The following BRINP2 variants were observed in gnomAD, a reference collection of about 807,000 sequenced individuals.
The protein encoded by BRINP2 is BMP/retinoic acid-inducible neural-specific protein 2.
Under a neutral mutation model 69.2 loss-of-function variants are expected in BRINP2, and 21 were observed. The ratio of observed to expected loss-of-function variants is 0.30; its 90% confidence interval spans 0.22 to 0.44. BRINP2 has a LOEUF of 0.44. BRINP2 is among the 20% of genes least tolerant of loss of function. The pLI is 1.00. For missense variants in BRINP2, 877 were observed against 986.0 expected, an observed-to-expected ratio of 0.89 and a Z score of 1.48; for synonymous variants, 380 against 394.1, an observed-to-expected ratio of 0.96 and a Z score of 0.42.
intron 2 of BRINP2, among the ~76,000 whole-genome samples, chr1:177,230,474 G>A (rs1379518937): frequency 6.6e-6 from 1 of 152,188 alleles, no homozygotes; most frequent in Non-Finnish European, 1.5e-5. Context: ...TGCCGTAGGA[G>A]GTCAGAGTCA....
intron 1 of BRINP2, among the ~76,000 whole-genome samples, chr1:177,210,026 T>C (rs1287445983): frequency 6.6e-6 from 1 of 152,148 alleles, no homozygotes; most frequent in Non-Finnish European, 1.5e-5. Context: ...GTGGTGTAGA[T>C]GTGTGAGGGT....
At chr1:177,222,511 C>T (rs969344516) in intron 1 of BRINP2, among the ~76,000 whole-genome samples, 3 of 151,966 alleles carry the variant, frequency 2.0e-5, no homozygotes. Context: ...AGGGTTTCAC[C>T]AGGTTGGCCA....
chr1:177,216,067 A>G (rs1649366836), intron 1 of BRINP2, among the ~76,000 whole-genome samples: 2 of 151,994 alleles, frequency 1.3e-5, no homozygotes, highest in African/African-American at 4.8e-5. Flanking sequence ...TTATCTATAA[A>G]TTCACTCTAT....
intron 4 of BRINP2, among the ~76,000 whole-genome samples, chr1:177,268,432 A>C (rs1020959538): frequency 6.6e-6 from 1 of 151,808 alleles, no homozygotes; most frequent in Non-Finnish European, 1.5e-5. Context: ...CTGCTTACCT[A>C]CTCTGCCTTG....
chr1:177,245,685 A>G (rs751037473), intron 2 of BRINP2, among the ~76,000 whole-genome samples: 6 of 152,208 alleles, frequency 3.9e-5, no homozygotes, highest in Non-Finnish European at 7.3e-5. Flanking sequence ...GGGAAGACAC[A>G]GGTCTCAGCT....
intron 4 of BRINP2, among the ~76,000 whole-genome samples, chr1:177,259,104 C>T (rs1650859958): frequency 6.6e-6 from 1 of 152,048 alleles, no homozygotes; most frequent in African/African-American, 2.4e-5. Flanking sequence ...GTTGCAAATG[C>T]AAAGAAAAAG....
intron 2 of BRINP2, among the ~76,000 whole-genome samples, chr1:177,233,021 A>G (rs1385430987): frequency 6.6e-6 from 1 of 151,932 alleles, no homozygotes; most frequent in Non-Finnish European, 1.5e-5. Flanking sequence ...TAGGAAAGAG[A>G]CCCTCCTTCT....
intron 1 of BRINP2, among the ~76,000 whole-genome samples, chr1:177,219,951 GTC>G (rs1375190507): frequency 6.6e-6 from 1 of 152,176 alleles, no homozygotes; most frequent in Admixed American, 6.5e-5. Context: ...ACAGAGAAGG[GTC>G]TCTCTCTGGA....
chr1:177,231,211 T>C (rs966749130), intron 2 of BRINP2, among the ~76,000 whole-genome samples: 2 of 152,128 alleles, frequency 1.3e-5, no homozygotes, highest in Non-Finnish European at 2.9e-5. Flanking sequence ...ACAGTTGTTT[T>C]CCCCATTTTA....
chr1:177,250,056 G>A (rs150974059), intron 2 of BRINP2, among the ~76,000 whole-genome samples: 2 of 150,738 alleles, frequency 1.3e-5, no homozygotes, highest in African/African-American at 2.4e-5. Flanking sequence ...GGCTGGACTC[G>A]AACTCCTGTG....
At chr1:177,178,894 T>C (rs1648166659) in intron 1 of BRINP2, among the ~76,000 whole-genome samples, 1 of 152,232 alleles carries the variant, frequency 6.6e-6, no homozygotes, top group Non-Finnish European at 1.5e-5. Context: ...ATCATGGTTA[T>C]TATGGACATT....
At chr1:177,175,311 T>C (rs1220999423) in intron 1 of BRINP2, among the ~76,000 whole-genome samples, 1 of 152,050 alleles carries the variant, frequency 6.6e-6, no homozygotes, top group Non-Finnish European at 1.5e-5. Flanking sequence ...GGATGCGGTG[T>C]TGCCTGAAGC....
intron 2 of BRINP2, among the ~76,000 whole-genome samples, chr1:177,248,604 TTA>T (rs1295216862): frequency 6.6e-6 from 1 of 151,994 alleles, no homozygotes; most frequent in Non-Finnish European, 1.5e-5. Flanking sequence ...TGTTCTCAGT[TTA>T]TGAGTCTGGA....
chr1:177,200,078 G>A (rs951030310), intron 1 of BRINP2, among the ~76,000 whole-genome samples: 5 of 151,862 alleles, frequency 3.3e-5, no homozygotes, highest in African/African-American at 1.2e-4. Context: ...GATCATCTGT[G>A]GTCAGGAGTT....
At chr1:177,188,728 G>A (rs892906760) in intron 1 of BRINP2, among the ~76,000 whole-genome samples, 1 of 152,130 alleles carries the variant, frequency 6.6e-6, no homozygotes, top group Admixed American at 6.5e-5. Context: ...CTTCTTGAGA[G>A]CTGAGAACAT....
At chr1:177,241,035 G>A (rs1571923995) in intron 2 of BRINP2, among the ~76,000 whole-genome samples, 2 of 151,586 alleles carry the variant, frequency 1.3e-5, no homozygotes, top group Non-Finnish European at 2.9e-5. Flanking sequence ...ACAGTGGTGC[G>A]ATCTCAGCTC....
chr1:177,204,226 C>G (rs1411739290), intron 1 of BRINP2, among the ~76,000 whole-genome samples: 1 of 151,948 alleles, frequency 6.6e-6, no homozygotes, highest in Non-Finnish European at 1.5e-5. Context: ...AATTTGAGGC[C>G]GTTTTGAGAC....
intron 2 of BRINP2, among the ~76,000 whole-genome samples, chr1:177,232,141 A>G (rs1365787012): frequency 6.6e-6 from 1 of 152,174 alleles, no homozygotes; most frequent in Admixed American, 6.5e-5. Flanking sequence ...GTGTATTGGA[A>G]TTGAAGTCAG....
chr1:177,259,076 C>A (rs549707702), intron 4 of BRINP2, among the ~76,000 whole-genome samples: 1 of 152,284 alleles, frequency 6.6e-6, no homozygotes, highest in Non-Finnish European at 1.5e-5. Context: ...AGGCCGCTTG[C>A]AACAAACAGT....
Sources: allele counts gnomAD v4.1 joint callset (sites outside exome capture counted in the v4.1 genomes callset), GRCh38; gene constraint gnomAD v4.1.1; transcripts MANE v1.5; gene names NCBI Gene and HGNC (gene_info 2026-07-23, HGNC 2026-07-21).